PLEKHG2: variants seen among roughly 807,000 people sequenced by gnomAD.
The protein encoded by PLEKHG2 is pleckstrin homology and RhoGEF domain containing G2.
In PLEKHG2, 71 loss-of-function variants were observed where a neutral mutation model predicts 104.4. The ratio of observed to expected loss-of-function variants is 0.68; its 90% CI spans 0.56 to 0.83. The LOEUF is 0.83. Among genes scored for constraint, PLEKHG2 ranks in the 40% least tolerant of loss-of-function variants. The pLI, the probability that PLEKHG2 is intolerant of heterozygous loss-of-function variation, is 0.00. For synonymous variants in PLEKHG2, 728 were observed against 737.0 expected (o/e 0.99, Z 0.20); for missense variants, 1,730 against 1,809.4 (o/e 0.96, Z 0.80).
In PLEKHG2 at chr19:39,422,860, G is replaced by A. The variant is rs372924882; in HGVS notation, c.1806G>A (p.Leu602=). 14 of 1,576,468 alleles carry A rather than the reference G, an allele frequency of 8.9e-6. No individual in the cohort carries two copies. The highest frequency in any genetic ancestry group is 2.7e-5 in the African/African-American group (2 of 74,458). The part of the protein sequence containing the change: ...SEEEEEEEEG[L]EMDERGPSPL... ...AGGAGGAGGAGGAAGAGGAAGGGCT[G>A]GAGATGGATGAACGGGGGCCTTCCC... Residue 602 remains leucine, a synonymous_variant, in exon 18 of 19, where the codon CTG becomes CTA. Transcript: ENST00000425673.
intron 2 of PLEKHG2, among the ~76,000 whole-genome samples, chr19:39,414,449 G>A (rs1206771572): frequency 6.6e-6 from 1 of 152,232 alleles, no homozygotes; most frequent in African/African-American, 2.4e-5. Flanking sequence ...ATCTCAACTG[G>A]GAAGTGGAAG....
chr19:39,422,410 C>A, intron 17 of PLEKHG2, 122 bp downstream of exon 17: 1 of 1,161,664 alleles, frequency 8.6e-7, no homozygotes, highest in Non-Finnish European at 1.2e-6. Flanking sequence ...TGGAGTCTTG[C>A]TCTGTTGCCG....
chr19:39,417,874 CG>C, intron 8 of PLEKHG2, 30 bp from the exon 9 acceptor site: 1 of 1,522,852 alleles, frequency 6.6e-7, no homozygotes, highest in East Asian at 2.5e-5. Context: ...CTTGTCTCTG[CG>C]CCCCGGCGCA....
chr19:39,417,764 A>T, intron 8 of PLEKHG2, 72 bp downstream of exon 8: 1 of 1,539,036 alleles, frequency 6.5e-7, no homozygotes, highest in Non-Finnish European at 8.7e-7. Flanking sequence ...GGTGGGGGGA[A>T]ATCAGTGCCT....
Position 39,425,435 on chromosome 19 carries a change from T to C in PLEKHG2, c.*141T>C. On this transcript the variant is annotated 3_prime_UTR_variant, in exon 19 of 19. Coordinates refer to ENST00000425673, the MANE Select transcript of PLEKHG2 (RefSeq NM_022835.3). ...AACTCCTGGTATCTGCATCGGCGAATGGCCCTTCTTGCCTTGATCCACAGG... is the reference window on the plus strand; with the variant it reads ...AACTCCTGGTATCTGCATCGGCGAACGGCCCTTCTTGCCTTGATCCACAGG... The C allele has an allele frequency of 7.5e-7, 1 of 1,338,904 alleles. No individual in the cohort carries two copies. The highest frequency in any genetic ancestry group is 9.8e-7 in the Non-Finnish European group (1 of 1,017,966). 82.9% of individuals were successfully genotyped at this position (1,338,904 alleles called of 1,614,324 possible). A position where few individuals can be genotyped will look rare whatever the true frequency, so the allele number is the denominator to read the frequency against.
At position 39,425,087 on chromosome 19, in the gene PLEKHG2, G is replaced by A. The variant is rs1158667947; in HGVS notation, c.3954G>A (p.Ser1318=). The A allele has an allele frequency of 5.7e-6, 9 of 1,588,836 alleles. No homozygotes were observed. The highest frequency in any genetic ancestry group is 1.3e-5 in the African/African-American group (1 of 74,094). The change falls in exon 19 of 19, where the codon TCG becomes TCA. Residue 1318 remains serine (S), a synonymous_variant. Coordinates refer to ENST00000425673, the MANE Select transcript of PLEKHG2 (RefSeq NM_022835.3). The part of the protein sequence containing the change: ...WSSAPTSRAS[S]PPPQPQPPPP... ...CTGCTCCCACGTCACGGGCATCTTC[G>A]CCGCCCCCCCAGCCCCAGCCACCAC... is the stretch of plus-strand genomic sequence containing the variant.
At chr19:39,422,063 A>G (rs528458646) in intron 16 of PLEKHG2, 52 bp from the exon 17 acceptor site, 43 of 1,540,548 alleles carry the variant, frequency 2.8e-5, no homozygotes, top group African/African-American at 4.2e-5. Flanking sequence ...GGGGTCCTCT[A>G]TGTGAGGGAG....
chr19:39,427,900 A>G lies in PLEKHG2; in HGVS notation c.*2606A>G, dbSNP rs931414491. 6.6e-6 allele frequency: 1 copy of G among 152,236 alleles called. No individual in the cohort carries two copies. Among genetic ancestry groups the G allele is most frequent in the African/African-American group, 2.4e-5 (1 of 41,424 alleles). 9.4% of individuals were successfully genotyped at this position (152,236 alleles called of 1,614,324 possible). On this transcript the variant is annotated 3_prime_UTR_variant, in exon 19 of 19. Transcript: ENST00000425673. Reference sequence around the variant, plus strand: ...AATCCACACAGCTTGGCTTAAGTCTACCATTAAATTTGCCTGTCCTGGCCA... The same window carrying G: ...AATCCACACAGCTTGGCTTAAGTCTGCCATTAAATTTGCCTGTCCTGGCCA...
intron 9 of PLEKHG2, 60 bp downstream of exon 9, chr19:39,418,165 G>A: frequency 7.5e-7 from 1 of 1,335,162 alleles, no homozygotes; most frequent in Non-Finnish European, 9.7e-7. Flanking sequence ...CCATATACCT[G>A]TATCTGTGTG....
Position 39,415,383 on chromosome 19 carries a change from C to T in PLEKHG2, c.423C>T (p.Ser141=), listed in dbSNP as rs188027862. Residue 141 remains serine, a synonymous_variant, in exon 4 of 19, where the codon AGC becomes AGT. Transcript: ENST00000425673. This position sits in a 1 kb window ranked among gnomAD's most constrained non-coding sequence, Gnocchi z 4.6. ...TGGACGGCGGGGTCCTGGGGCTGAG[C>T]GTGGAGCAGGTGGGCACGCTGTTTG... is the stretch of plus-strand genomic sequence containing the variant. The part of the protein sequence containing the change: ...PLLDGGVLGL[S]VEQVGTLFAN... The T allele has an allele frequency of 6.1e-5, 99 of 1,614,110 alleles. No homozygotes were observed. Among genetic ancestry groups the T allele is most frequent in the Non-Finnish European group, 7.6e-5 (90 of 1,180,010 alleles).
chr19:39,417,738 A>T, intron 8 of PLEKHG2, 46 bp downstream of exon 8: 14 of 241,676 alleles, frequency 5.8e-5, no homozygotes, highest in Non-Finnish European at 9.7e-5. Flanking sequence ...GGAGTGAGCG[A>T]GGGGGCCTTG....
rs1411089527 is a variant in PLEKHG2, at chr19:39,427,229, A to T, written c.*1935A>T. 6.6e-6 allele frequency: 1 copy of T among 151,862 alleles called. No individual in the cohort carries two copies. 9.4% of individuals were successfully genotyped at this position (151,862 alleles called of 1,614,324 possible). A position where few individuals can be genotyped will look rare whatever the true frequency, so the allele number is the denominator to read the frequency against. On this transcript the variant is annotated 3_prime_UTR_variant, in exon 19 of 19. Transcript: ENST00000425673. ...TTTTTAGTAGAGACGGGGTTTTACC[A>T]TGTTAGCCAGGATGGTCTCGATCTC...
At position 39,418,013 on chromosome 19, in the gene PLEKHG2, C is replaced by T. The variant is rs748800211; in HGVS notation, c.991C>T (p.Arg331Ter). The T allele has an allele frequency of 5.8e-6, 9 of 1,562,106 alleles. No individual in the cohort carries two copies. The highest frequency in any genetic ancestry group is 1.4e-5 in the African/African-American group (1 of 73,586). The stretch of plus-strand genomic sequence containing the variant: ...AGGCGGAGGGGGTGGCCCCCGGCTA[C>T]GAGGGGGTGAGCGGCTGCTCTTCCT... ...RGGGGGGPRL[R>*]GGERLLFLFS... Residue 331 changes from arginine to a stop codon, truncating the protein, a stop_gained, in exon 9 of 19, where the codon CGA (arginine) becomes TGA (stop). Coordinates refer to ENST00000425673, the MANE Select transcript of PLEKHG2 (RefSeq NM_022835.3). LOFTEE classifies it high-confidence loss of function.
Position 39,420,965 on chromosome 19 carries a change from C to T in PLEKHG2, c.1416C>T (p.Pro472=), listed in dbSNP as rs1220435403. The change falls in exon 14 of 19, where the codon CCC becomes CCT. Residue 472 remains proline (P), a synonymous_variant. Coordinates refer to ENST00000425673, the MANE Select transcript of PLEKHG2 (RefSeq NM_022835.3). ...CTCCCACAGCTCCATCTCCTGGGCC[C>T]TCTGTGATTCGCCGAGGCCGCAGGC... ...GRRNTAPSPG[P]SVIRRGRRQS... 5 of 1,614,108 alleles carry T rather than the reference C, an allele frequency of 3.1e-6. No individual in the cohort carries two copies. The highest frequency in any genetic ancestry group is 4.2e-6 in the Non-Finnish European group (5 of 1,180,028).
In PLEKHG2 at chr19:39,422,175, GC is replaced by G. The variant is rs1484688956; in HGVS notation, c.1565del (p.Ala522AspfsTer29). On this transcript the variant is annotated frameshift_variant, in exon 17 of 19. Coordinates refer to ENST00000425673, the MANE Select transcript of PLEKHG2 (RefSeq NM_022835.3). LOFTEE classifies it high-confidence loss of function. ...ATCTCAGCCACCAGTTTCAGGCTCTGCACCCCCTGAGGACCTGGAGGATGCT... is the reference window on the plus strand; with the variant it reads ...ATCTCAGCCACCAGTTTCAGGCTCTGACCCCCTGAGGACCTGGAGGATGCT... ...PESQPPVSGS[A>X]PPEDLEDAGP... 1 of 1,613,774 alleles carries G rather than the reference GC, an allele frequency of 6.2e-7. No individual in the cohort carries two copies. The highest frequency in any genetic ancestry group is 1.1e-5 in the South Asian group (1 of 91,006).
chr19:39,419,130 T>A (rs1482401230), intron 11 of PLEKHG2, 127 bp downstream of exon 11: 1 of 852,890 alleles, frequency 1.2e-6, no homozygotes, highest in Non-Finnish European at 1.7e-6. Context: ...AGTGCAGAAT[T>A]CCGCTACTTG....
chr19:39,423,215 C>G lies in PLEKHG2; in HGVS notation c.2161C>G (p.Leu721Val). Residue 721 changes from leucine to valine, a missense_variant, in exon 18 of 19, where the codon CTG becomes GTG. By Grantham distance (32) the Leu-to-Val change is conservative (BLOSUM62 1). Coordinates refer to ENST00000425673, the MANE Select transcript of PLEKHG2 (RefSeq NM_022835.3). ...GTTTTCTGGGAGCAATCCTGGGAAA[C>G]TGGGAGAGCCGCCTTCAGGAGGCAA... ...ELFSGSNPGK[L>V]GEPPSGGKAG... The G allele has an allele frequency of 6.2e-7, 1 of 1,612,906 alleles. No homozygotes were observed. Among genetic ancestry groups the G allele is most frequent in the Non-Finnish European group, 8.5e-7 (1 of 1,179,056 alleles).
chr19:39,425,140 C>A lies in PLEKHG2; in HGVS notation c.4007C>A (p.Ala1336Asp). 6.3e-7 allele frequency: 1 copy of A among 1,589,744 alleles called. No individual in the cohort carries two copies. The highest frequency in any genetic ancestry group is 1.1e-5 in the South Asian group (1 of 87,724). The change falls in exon 19 of 19, where the codon GCC becomes GAC. Residue 1336 changes from alanine (A) to aspartate (D), a missense_variant. Transcript: ENST00000425673. ...CCCCCAGCCAGGCGGCTCAGCTATGCCACGACGGTTAACATCCACGTGGGC... is the reference window on the plus strand; with the variant it reads ...CCCCCAGCCAGGCGGCTCAGCTATGACACGACGGTTAACATCCACGTGGGC... Reference protein sequence around the residue: ...PPPPARRLSYATTVNIHVGGG... With the variant: ...PPPPARRLSYDTTVNIHVGGG...
Position 39,417,680 on chromosome 19 carries a change from A to T in PLEKHG2, c.870A>T (p.Ala290=). The T allele has an allele frequency of 2.5e-6, 4 of 1,581,738 alleles. No homozygotes were observed. The highest frequency in any genetic ancestry group is 1.4e-5 in the African/African-American group (1 of 72,288). The change falls in exon 8 of 19, where the codon GCA becomes GCT. Residue 290 remains alanine, a synonymous_variant. Coordinates refer to ENST00000425673, the MANE Select transcript of PLEKHG2 (RefSeq NM_022835.3). ...ACATGAAGCGCAAGCAGGAGCATGC[A>T]GCGCGCCTCCAGGTGGCCCCAGGGT... The part of the protein sequence containing the change: ...INDMKRKQEH[A]ARLQEVQRRL...
Sources: gnomAD v4.1 joint callset for allele counts (sites outside exome capture counted in the v4.1 genomes callset) on GRCh38, gnomAD v4.1.1 for gene constraint, Gnocchi (gnomAD v3.1) non-coding constraint, MANE v1.5 for transcripts, NCBI Gene and HGNC (gene_info 2026-07-23, HGNC 2026-07-21) for gene names.